The following RPS6KC1 variants were observed in gnomAD, a reference collection of about 807,000 sequenced individuals.
The protein encoded by RPS6KC1 is ribosomal protein S6 kinase C1, also known as inactive ribosomal protein S6 kinase delta-1.
Under a neutral mutation model 103.8 loss-of-function variants are expected in RPS6KC1, and 54 were observed. That is an observed-to-expected ratio of 0.52 (90% CI 0.42 to 0.65). The LOEUF (loss-of-function observed/expected upper bound fraction) is 0.65, where lower values mean the gene tolerates loss of function less well. Ranked by LOEUF, RPS6KC1 falls within the 30% of genes least tolerant of loss-of-function variation. The pLI is 0.00. For synonymous variants in RPS6KC1, 439 were observed against 438.7 expected (o/e 1.00, Z -0.01); for missense variants, 1,151 against 1,253.8 (o/e 0.92, Z 1.24).
the RPS6KC1 span, among the ~76,000 whole-genome samples, chr1:213,837,999 A>G: frequency 3.3e-5 from 5 of 152,124 alleles, no homozygotes; most frequent in South Asian, 1.0e-3. Flanking sequence ...TTTTACTATC[A>G]TTTTCTTTAC....
chr1:213,122,521 A>C (rs940474428), intron 5 of RPS6KC1, among the ~76,000 whole-genome samples: 1 of 152,212 alleles, frequency 6.6e-6, no homozygotes, highest in Non-Finnish European at 1.5e-5. Context: ...ATCTATTTTC[A>C]AGACAAACTT....
chr1:213,648,281 T>A, the RPS6KC1 span, among the ~76,000 whole-genome samples: 1 of 152,118 alleles, frequency 6.6e-6, no homozygotes, highest in African/African-American at 2.4e-5. Flanking sequence ...AACTATGGCT[T>A]TAAGCAAAGT....
the RPS6KC1 span, among the ~76,000 whole-genome samples, chr1:213,704,150 G>C: frequency 6.6e-6 from 1 of 151,916 alleles, no homozygotes; most frequent in African/African-American, 2.4e-5. Flanking sequence ...CACTTTGGGA[G>C]GCCGAGGCGG....
intron 12 of RPS6KC1, among the ~76,000 whole-genome samples, chr1:213,259,525 T>C (rs1005012284): frequency 8.5e-5 from 13 of 152,276 alleles, no homozygotes; most frequent in African/African-American, 3.1e-4. Context: ...ATTGTGCCAC[T>C]GCACTCCAGC....
intron 8 of RPS6KC1, among the ~76,000 whole-genome samples, chr1:213,216,191 A>G (rs2148717335): frequency 6.6e-6 from 1 of 152,344 alleles, no homozygotes; most frequent in Non-Finnish European, 1.5e-5. Context: ...AGATCTACCA[A>G]GCAAATGGAA....
the RPS6KC1 span, among the ~76,000 whole-genome samples, chr1:213,424,597 G>A: frequency 1.3e-5 from 2 of 152,244 alleles, no homozygotes; most frequent in African/African-American, 4.8e-5. Context: ...GGGTTTGAGC[G>A]TTAGTGCCCA....
the RPS6KC1 span, among the ~76,000 whole-genome samples, chr1:213,382,402 C>T: frequency 6.6e-6 from 1 of 152,042 alleles, no homozygotes; most frequent in Non-Finnish European, 1.5e-5. Flanking sequence ...GTCTGTATGG[C>T]GAGCTGGTTT....
the RPS6KC1 span, among the ~76,000 whole-genome samples, chr1:213,312,186 G>A: frequency 1.3e-5 from 2 of 152,066 alleles, no homozygotes; most frequent in Non-Finnish European, 2.9e-5. Flanking sequence ...GTGAGCCACT[G>A]TCCAGCCATC....
chr1:213,261,769 A>G (rs2094803358), intron 13 of RPS6KC1, 129 bp downstream of exon 13: 3 of 732,674 alleles, frequency 4.1e-6, no homozygotes. Flanking sequence ...ATCGAAAGCA[A>G]GTAGAGAAAT....
the RPS6KC1 span, among the ~76,000 whole-genome samples, chr1:213,452,426 G>A: frequency 2.6e-5 from 4 of 151,534 alleles, no homozygotes; most frequent in African/African-American, 9.7e-5. Flanking sequence ...TCCACGGGTG[G>A]GTGGGTTACT....
the RPS6KC1 span, among the ~76,000 whole-genome samples, chr1:213,512,579 G>C: frequency 6.6e-6 from 1 of 152,178 alleles, no homozygotes; most frequent in Non-Finnish European, 1.5e-5. Flanking sequence ...AGTTCCAGCA[G>C]GATTAGGGTT....
At chr1:213,255,871 A>T (rs1364682878) in intron 12 of RPS6KC1, among the ~76,000 whole-genome samples, 1 of 152,112 alleles carries the variant, frequency 6.6e-6, no homozygotes, top group Non-Finnish European at 1.5e-5. Context: ...TAAATGCAGA[A>T]CTCTTTGTCG....
At chr1:213,692,831 T>C in the RPS6KC1 span, among the ~76,000 whole-genome samples, 1 of 152,194 alleles carries the variant, frequency 6.6e-6, no homozygotes, top group Non-Finnish European at 1.5e-5. Context: ...AGACTTTCCC[T>C]GGCTCTGGCT....
chr1:213,357,730 G>A, the RPS6KC1 span, among the ~76,000 whole-genome samples: 1 of 152,188 alleles, frequency 6.6e-6, no homozygotes, highest in Non-Finnish European at 1.5e-5. Context: ...TATTTTTTCA[G>A]CATTCAGATG....
the RPS6KC1 span, among the ~76,000 whole-genome samples, chr1:213,839,434 T>C: frequency 6.6e-6 from 1 of 152,232 alleles, no homozygotes; most frequent in African/African-American, 2.4e-5. Flanking sequence ...GTTTGAGGCA[T>C]ACTTTATGTC....
the RPS6KC1 span, among the ~76,000 whole-genome samples, chr1:213,792,076 T>TC: frequency 6.6e-6 from 1 of 152,196 alleles, no homozygotes; most frequent in Admixed American, 6.5e-5. Context: ...ACTCTTCAAT[T>TC]CCCCAATACT....
chr1:213,514,679 G>T, the RPS6KC1 span, among the ~76,000 whole-genome samples: 5 of 152,086 alleles, frequency 3.3e-5, no homozygotes, highest in African/African-American at 1.2e-4. Flanking sequence ...GAATAGTGCC[G>T]CAATAAACAT....
At chr1:213,190,438 A>G (rs1458503589) in intron 8 of RPS6KC1, among the ~76,000 whole-genome samples, 1 of 152,126 alleles carries the variant, frequency 6.6e-6, no homozygotes, top group Non-Finnish European at 1.5e-5. Flanking sequence ...CCTATTTGCC[A>G]TTTTTATGTC....
chr1:213,414,970 G>A, the RPS6KC1 span, among the ~76,000 whole-genome samples: 2 of 152,192 alleles, frequency 1.3e-5, no homozygotes, highest in Admixed American at 6.5e-5. Context: ...TGGGGTGGGT[G>A]TGGAGGCCAG....
Sources: allele counts gnomAD v4.1 joint callset (sites outside exome capture counted in the v4.1 genomes callset), GRCh38; gene constraint gnomAD v4.1.1; transcripts MANE v1.5; gene names NCBI Gene and HGNC (gene_info 2026-07-23, HGNC 2026-07-21).